DNM3: variants seen among roughly 807,000 people sequenced by gnomAD.
The protein encoded by DNM3 is dynamin-3.
In DNM3, 47 loss-of-function variants were observed where a neutral mutation model predicts 101.6. The observed-to-expected ratio is 0.46, with a 90% CI of 0.37 to 0.59. DNM3 has a LOEUF of 0.59. Ranked by LOEUF, DNM3 falls within the 20% of genes least tolerant of loss-of-function variation. The pLI, the probability that DNM3 is intolerant of heterozygous loss-of-function variation, is 0.00. For missense variants in DNM3, 849 were observed against 1,085.7 expected, an observed-to-expected ratio of 0.78 and a Z score of 3.06; for synonymous variants, 385 against 387.9, an observed-to-expected ratio of 0.99 and a Z score of 0.09.
chr1:172,158,429 G>A (rs56341006), intron 14 of DNM3, among the ~76,000 whole-genome samples: 1 of 152,056 alleles, frequency 6.6e-6, no homozygotes, highest in African/African-American at 2.4e-5. Context: ...ATTCCTGCTA[G>A]TGGGAAGAAC....
chr1:172,226,100 T>C (rs551931188), intron 14 of DNM3, among the ~76,000 whole-genome samples: 2 of 152,276 alleles, frequency 1.3e-5, no homozygotes, highest in East Asian at 3.9e-4. Flanking sequence ...ACTATGCACA[T>C]ATAATTGCAT....
rs79455740 is a variant in DNM3, at chr1:172,264,739, T to C, written c.1769+11057T>C. On this transcript the variant is annotated intron_variant, in intron 15 of 20. Transcript: ENST00000627582. ...CTTTCCGGGGGTTTCCAGAACCTTA[T>C]AGATAATCTCGTCGGTCTTTCTTAC... is the stretch of plus-strand genomic sequence containing the variant. 2.9e-3 allele frequency among the ~76,000 whole-genome samples: 438 copies of C among 152,306 alleles called. 8 individuals carry two copies. In the East Asian group the frequency reaches 0.037, roughly 13 times the overall value.
intron 16 of DNM3, among the ~76,000 whole-genome samples, chr1:172,315,889 G>A (rs529720452): frequency 2.6e-5 from 4 of 152,072 alleles, no homozygotes; most frequent in Non-Finnish European, 4.4e-5. Flanking sequence ...TACAGAGAAC[G>A]CCACAAAGAT....
At chr1:172,415,799 G>T (rs1046172842), downstream of DNM3, among the ~76,000 whole-genome samples, 1 of 151,946 alleles carries the variant, frequency 6.6e-6, no homozygotes, top group Non-Finnish European at 1.5e-5. Context: ...CAAAGTGCTG[G>T]GATTACAGGC....
chr1:172,005,843 A>G (rs1395685106), intron 4 of DNM3, among the ~76,000 whole-genome samples: 1 of 152,122 alleles, frequency 6.6e-6, no homozygotes, highest in African/African-American at 2.4e-5. Context: ...ACAGATGACC[A>G]GAGGAGCTTG....
intron 14 of DNM3, among the ~76,000 whole-genome samples, chr1:172,155,251 T>A (rs912593425): frequency 6.6e-6 from 1 of 151,090 alleles, no homozygotes; most frequent in Non-Finnish European, 1.5e-5. Flanking sequence ...TGTTTAGGAG[T>A]AATAAACATG....
chr1:172,337,143 C>T (rs2066468903), intron 17 of DNM3, among the ~76,000 whole-genome samples: 1 of 152,182 alleles, frequency 6.6e-6, no homozygotes, highest in Non-Finnish European at 1.5e-5. Flanking sequence ...CTTTTCCAAG[C>T]TTACCATTTA....
intron 17 of DNM3, among the ~76,000 whole-genome samples, chr1:172,350,109 T>A (rs10797984): frequency 0.15 from 22,297 of 152,126 alleles, 2,122 homozygotes; most frequent in African/African-American, 0.27. Flanking sequence ...AATTATGCAA[T>A]CCTGATAAGC....
chr1:172,407,679 C>A, intron 20 of DNM3, 93 bp from the exon 21 acceptor site: 2 of 1,268,872 alleles, frequency 1.6e-6, no homozygotes, highest in Non-Finnish European at 2.3e-6. Flanking sequence ...TGTGCATGAG[C>A]ATGTGTGTAA....
At chr1:172,314,775 C>T (rs1296997176) in intron 16 of DNM3, among the ~76,000 whole-genome samples, 1 of 152,242 alleles carries the variant, frequency 6.6e-6, no homozygotes, top group Non-Finnish European at 1.5e-5. Flanking sequence ...CTCAAGGAGG[C>T]CTGCCTGCCT....
intron 18 of DNM3, among the ~76,000 whole-genome samples, chr1:172,380,556 C>A (rs1291790683): frequency 6.6e-6 from 1 of 152,010 alleles, no homozygotes; most frequent in Non-Finnish European, 1.5e-5. Context: ...GAATTGTATT[C>A]TTTTGACCAA....
At chr1:172,052,871 C>T (rs1433060079) in intron 10 of DNM3, among the ~76,000 whole-genome samples, 4 of 152,114 alleles carry the variant, frequency 2.6e-5, no homozygotes, top group Non-Finnish European at 4.4e-5. Flanking sequence ...AAATCTGTAC[C>T]TCTAGCTCAA....
chr1:172,005,952 T>A (rs1280855963), intron 4 of DNM3, among the ~76,000 whole-genome samples: 2 of 152,066 alleles, frequency 1.3e-5, no homozygotes, highest in African/African-American at 2.4e-5. Flanking sequence ...AAGAGTTTCC[T>A]CCTGTTGCTG....
At chr1:172,179,689 T>C (rs1300302812) in intron 14 of DNM3, among the ~76,000 whole-genome samples, 2 of 151,882 alleles carry the variant, frequency 1.3e-5, no homozygotes, top group Non-Finnish European at 1.5e-5. Context: ...TCTGGACTTA[T>C]TTTCCAGCAT....
intron 15 of DNM3, among the ~76,000 whole-genome samples, chr1:172,304,961 C>T (rs1223770267): frequency 6.6e-6 from 1 of 152,024 alleles, no homozygotes; most frequent in Non-Finnish European, 1.5e-5. Context: ...CCTAACATCA[C>T]AATTAAAAGA....
intron 15 of DNM3, among the ~76,000 whole-genome samples, chr1:172,261,690 C>A (rs778906336): frequency 1.3e-5 from 2 of 152,224 alleles, no homozygotes; most frequent in Non-Finnish European, 2.9e-5. Context: ...ATCTGGGACC[C>A]AAGTGGTCCA....
intron 10 of DNM3, among the ~76,000 whole-genome samples, chr1:172,058,689 TA>T (rs2050866365): frequency 6.6e-6 from 1 of 151,266 alleles, no homozygotes; most frequent in Non-Finnish European, 1.5e-5. Context: ...GGGATGCATT[TA>T]AAGCAGTGTG....
intron 13 of DNM3, among the ~76,000 whole-genome samples, chr1:172,110,056 A>G (rs574273336): frequency 1.7e-4 from 26 of 152,298 alleles, no homozygotes; most frequent in African/African-American, 4.8e-4. Context: ...TCAGCTTTCA[A>G]CCATTCAGAA....
intron 13 of DNM3, among the ~76,000 whole-genome samples, chr1:172,108,755 C>T (rs946503572): frequency 5.3e-5 from 8 of 152,170 alleles, no homozygotes; most frequent in Admixed American, 2.6e-4. Flanking sequence ...ACCTCAGTTC[C>T]TTGAAGCTTT....
Sources: gnomAD v4.1 joint callset for allele counts (sites outside exome capture counted in the v4.1 genomes callset) on GRCh38, gnomAD v4.1.1 for gene constraint, MANE v1.5 for transcripts, NCBI Gene and HGNC (gene_info 2026-07-23, HGNC 2026-07-21) for gene names.